CAMTA1: variants seen among roughly 807,000 people sequenced by gnomAD.
CAMTA1 encodes the protein calmodulin-binding transcription activator 1.
Under a neutral mutation model 170.9 loss-of-function variants are expected in CAMTA1, and 27 were observed. That is an observed-to-expected ratio of 0.16 (90% CI 0.12 to 0.22). The LOEUF (loss-of-function observed/expected upper bound fraction) is 0.22. CAMTA1 is among the 10% of genes least tolerant of loss of function. The probability of loss-of-function intolerance (pLI) is 1.00; values close to 1 mark genes in which losing one functional copy is unlikely to be tolerated. For missense variants in CAMTA1, 1,619 were observed against 2,217.2 expected, an observed-to-expected ratio of 0.73 and a Z score of 5.42; for synonymous variants, 833 against 891.5, an observed-to-expected ratio of 0.93 and a Z score of 1.17.
chr1:7,566,523 G>C (rs765445460), intron 6 of CAMTA1, among the ~76,000 whole-genome samples: 1 of 151,914 alleles, frequency 6.6e-6, no homozygotes, highest in Non-Finnish European at 1.5e-5. Context: ...CCTCCCTCCC[G>C]TGGTTGTTGA....
chr1:7,411,103 T>C (rs902045423), intron 5 of CAMTA1, among the ~76,000 whole-genome samples: 2 of 152,134 alleles, frequency 1.3e-5, no homozygotes, highest in Non-Finnish European at 2.9e-5. Context: ...ACCACGGTCA[T>C]CCTGGTTTTC....
intron 5 of CAMTA1, among the ~76,000 whole-genome samples, chr1:7,290,923 G>T (rs921048888): frequency 3.3e-5 from 5 of 152,182 alleles, no homozygotes; most frequent in African/African-American, 1.2e-4. Flanking sequence ...GGGGCTCCTG[G>T]GGGGGTGAAG....
rs1221743338 is a variant in CAMTA1 at position 7,663,814 on chromosome 1, C to T, written c.1267C>T (p.Leu423Phe). The change falls in exon 9 of 23, where the codon CTC (leucine) becomes TTC (phenylalanine). Residue 423 changes from leucine (L) to phenylalanine (F), a missense_variant. Leu to Phe is a conservative substitution (Grantham distance 22, BLOSUM62 0). Around this residue, in one of 8 missense-constraint regions of CAMTA1, gnomAD observed 731 missense variants for 907.6 expected, o/e 0.81. Coordinates refer to ENST00000303635, the MANE Select transcript of CAMTA1 (RefSeq NM_015215.4). Reference sequence around the variant, plus strand: ...CACCGCTGGCCCCAACCACCACCTCCTCTCACCTGACGCCTCTCAGGGCCT... The same window carrying T: ...CACCGCTGGCCCCAACCACCACCTCTTCTCACCTGACGCCTCTCAGGGCCT... ...SPTAGPNHHL[L>F]SPDASQGLVL... 5.0e-6 allele frequency: 8 copies of T among 1,614,070 alleles called. No homozygotes were observed. The highest frequency in any genetic ancestry group is 5.9e-6 in the Non-Finnish European group (7 of 1,180,054).
intron 6 of CAMTA1, among the ~76,000 whole-genome samples, chr1:7,521,354 G>A (rs1355046002): frequency 6.6e-6 from 1 of 152,120 alleles, no homozygotes; most frequent in Non-Finnish European, 1.5e-5. Context: ...TCCTTACCCA[G>A]TTTCCCCCAG....
intron 5 of CAMTA1, among the ~76,000 whole-genome samples, chr1:7,417,055 C>T (rs993018144): frequency 2.0e-5 from 3 of 152,194 alleles, no homozygotes; most frequent in African/African-American, 7.2e-5. Context: ...GTATCAGCAG[C>T]AGTGGCTGCA....
intron 5 of CAMTA1, among the ~76,000 whole-genome samples, chr1:7,467,221 C>T (rs2093232005): frequency 1.3e-5 from 2 of 152,136 alleles, no homozygotes; most frequent in Non-Finnish European, 2.9e-5. Context: ...AATCCATCTG[C>T]AAAAGATGCA....
chr1:7,589,017 C>A lies in CAMTA1; in HGVS notation c.511-51383C>A, dbSNP rs77265998. The stretch of plus-strand genomic sequence containing the variant: ...TCAGAATTTTGCGCAGCCAGAAAAC[C>A]GACTCCCTTTCCATTTTAACTGCTT... On this transcript the variant is annotated intron_variant, in intron 6 of 22. Coordinates refer to ENST00000303635, the MANE Select transcript of CAMTA1 (RefSeq NM_015215.4). 2.0e-4 allele frequency among the ~76,000 whole-genome samples: 30 copies of A among 152,290 alleles called. No individual in the cohort carries two copies. The East Asian group carries it at 5.4e-3, about 27-fold the overall frequency.
Position 7,738,662 on chromosome 1 carries a change from C to T in CAMTA1, c.4182+180C>T, listed in dbSNP as rs1323824260. Among the ~76,000 whole-genome samples, 1 of 152,132 alleles carries T rather than the reference C, an allele frequency of 6.6e-6. No homozygotes were observed. The highest frequency in any genetic ancestry group is 1.5e-5 in the Non-Finnish European group (1 of 68,022). On this transcript the variant is annotated intron_variant, in intron 16 of 22. Coordinates refer to ENST00000303635, the MANE Select transcript of CAMTA1 (RefSeq NM_015215.4). This position sits in a 1 kb window ranked among gnomAD's most constrained non-coding sequence, Gnocchi z 4.9. ...GGGGCCACATTTTCATTCGGTGAAT[C>T]GGGCACCGGGAGTAGGGCCTGAATA...
intron 6 of CAMTA1, among the ~76,000 whole-genome samples, chr1:7,591,644 A>G (rs1387131866): frequency 6.6e-6 from 1 of 152,112 alleles, no homozygotes; most frequent in Non-Finnish European, 1.5e-5. Context: ...CCCTCCCGTG[A>G]CTCCTGTTCT....
intron 6 of CAMTA1, among the ~76,000 whole-genome samples, chr1:7,627,666 ACT>A (rs1418304777): frequency 6.6e-6 from 1 of 152,058 alleles, no homozygotes; most frequent in Non-Finnish European, 1.5e-5. Context: ...TGGAGCACAC[ACT>A]CTCTACCACT....
chr1:7,093,240 AG>A lies in CAMTA1; in HGVS notation c.302+1874del, dbSNP rs902091302. On this transcript the variant is annotated intron_variant, in intron 4 of 22. Coordinates refer to ENST00000303635, the MANE Select transcript of CAMTA1 (RefSeq NM_015215.4). This position sits in a 1 kb window ranked among gnomAD's most constrained non-coding sequence, Gnocchi z 4.6. ...GTTTCTGATTCAGCAGGTGCGGTGC[AG>A]GGGGCCTGAACATGTGTTATTTCTA... Among the ~76,000 whole-genome samples the A allele has an allele frequency of 1.3e-5, 2 of 152,140 alleles. No homozygotes were observed. Among genetic ancestry groups the A allele is most frequent in the Non-Finnish European group, 2.9e-5 (2 of 68,014 alleles).
intron 3 of CAMTA1, among the ~76,000 whole-genome samples, chr1:6,892,597 CTTTT>C (rs70984032): frequency 1.7e-5 from 2 of 120,874 alleles, no homozygotes; most frequent in Non-Finnish European, 1.7e-5. Flanking sequence ...TTTTTCTTTT[CTTTT>C]TTTTTTTTTT....
At chr1:7,524,107 CA>C (rs1214177667) in intron 6 of CAMTA1, among the ~76,000 whole-genome samples, 5 of 151,734 alleles carry the variant, frequency 3.3e-5, no homozygotes, top group African/African-American at 1.2e-4. Context: ...GAGGCTGAGG[CA>C]GAAGAACTGC....
At chr1:7,376,232 G>A (rs531865437) in intron 5 of CAMTA1, among the ~76,000 whole-genome samples, 5 of 152,204 alleles carry the variant, frequency 3.3e-5, no homozygotes, top group Admixed American at 6.5e-5. Flanking sequence ...ATTTATTTTC[G>A]CTGTCTCTGC....
chr1:7,235,613 C>T (rs941346732), intron 4 of CAMTA1, among the ~76,000 whole-genome samples: 3 of 152,066 alleles, frequency 2.0e-5, no homozygotes, highest in Non-Finnish European at 4.4e-5. Flanking sequence ...GGTGACAAAG[C>T]GAGACTTTGT....
At chr1:7,058,680 G>A (rs1707740580) in intron 3 of CAMTA1, among the ~76,000 whole-genome samples, 1 of 152,180 alleles carries the variant, frequency 6.6e-6, no homozygotes, top group African/African-American at 2.4e-5. Context: ...GGTGACGTCT[G>A]GATGGGCAGA....
intron 3 of CAMTA1, among the ~76,000 whole-genome samples, chr1:6,860,011 T>G (rs1664056205): frequency 6.6e-6 from 1 of 152,248 alleles, no homozygotes; most frequent in Non-Finnish European, 1.5e-5. Flanking sequence ...GCTATTTTTT[T>G]GGATATGTTA....
intron 3 of CAMTA1, among the ~76,000 whole-genome samples, chr1:6,888,825 C>CT (rs574850841): frequency 0.017 from 2,405 of 143,226 alleles, 35 homozygotes; most frequent in South Asian, 0.037. Context: ...TTTTTTCTTT[C>CT]TTTTTTTTTT....
At chr1:7,587,453 G>A (rs1309960446) in intron 6 of CAMTA1, among the ~76,000 whole-genome samples, 11 of 152,204 alleles carry the variant, frequency 7.2e-5, no homozygotes, top group Admixed American at 5.2e-4. Flanking sequence ...CTAACCGCCC[G>A]TGATTTCAGC....
Sources: gnomAD v4.1 joint callset for allele counts (sites outside exome capture counted in the v4.1 genomes callset) on GRCh38, gnomAD v4.1.1 for gene constraint, gnomAD v4.1.1 regional missense constraint, Gnocchi (gnomAD v3.1) non-coding constraint, MANE v1.5 for transcripts, NCBI Gene and HGNC (gene_info 2026-07-23, HGNC 2026-07-21) for gene names.